The following NIBAN1 variants were observed in gnomAD, a reference collection of about 807,000 sequenced individuals.
NIBAN1 encodes the protein niban apoptosis regulator 1.
NIBAN1 carries 81 observed loss-of-function variants against 75.1 expected under a neutral mutation model. That is an observed-to-expected ratio of 1.08 (90% CI 0.90 to 1.30). NIBAN1 has a LOEUF of 1.30. Ranked by LOEUF, NIBAN1 falls within the 50% of genes most tolerant of loss-of-function variation. NIBAN1 has a pLI of 0.00. For synonymous variants in NIBAN1, 436 were observed against 424.8 expected (o/e 1.03, Z -0.32); for missense variants, 1,133 against 1,128.1 (o/e 1.00, Z -0.06).
At chr1:184,955,828 G>T (rs1292811978) in intron 1 of NIBAN1, among the ~76,000 whole-genome samples, 3 of 151,820 alleles carry the variant, frequency 2.0e-5, no homozygotes, top group Non-Finnish European at 4.4e-5. Flanking sequence ...CAAAGGCAAG[G>T]TGTGTCATGT....
chr1:184,815,633 A>T (rs989258834), intron 9 of NIBAN1, among the ~76,000 whole-genome samples: 1 of 152,182 alleles, frequency 6.6e-6, no homozygotes, highest in Non-Finnish European at 1.5e-5. Flanking sequence ...GTGCACTTAT[A>T]GGGTATAATT....
chr1:184,857,726 C>T (rs1039887972), intron 5 of NIBAN1, among the ~76,000 whole-genome samples: 4 of 151,990 alleles, frequency 2.6e-5, no homozygotes, highest in South Asian at 4.1e-4. Context: ...TCTAGGTATT[C>T]TTTTCTCTTT....
intron 1 of NIBAN1, among the ~76,000 whole-genome samples, chr1:184,913,165 TGC>T (rs1657294443): frequency 1.3e-5 from 2 of 149,362 alleles, no homozygotes; most frequent in South Asian, 2.1e-4. Flanking sequence ...TATATATATA[TGC>T]CTTTCATACC....
chr1:184,948,702 A>C (rs1336383117), intron 1 of NIBAN1, among the ~76,000 whole-genome samples: 1 of 152,168 alleles, frequency 6.6e-6, no homozygotes, highest in Non-Finnish European at 1.5e-5. Flanking sequence ...AAAACTTAAG[A>C]TTTCGGAGAC....
chr1:184,803,897 A>G (rs1654116854), intron 11 of NIBAN1, among the ~76,000 whole-genome samples: 1 of 152,088 alleles, frequency 6.6e-6, no homozygotes, highest in African/African-American at 2.4e-5. Context: ...TCTCACTCTT[A>G]CCTTTTACAG....
At position 184,860,339 on chromosome 1, in the gene NIBAN1, T is replaced by C. The variant is rs77132790; in HGVS notation, c.601+24294A>G. Among the ~76,000 whole-genome samples the C allele has an allele frequency of 3.3e-3, 508 of 152,170 alleles. 8 individuals are homozygous for C. The East Asian group carries it at 0.039, about 12-fold the overall frequency. ...CTTCCAGAGTAAAACAAAAATTAAT[T>C]TTGTAAACATGCAAAAAAATTCAAA... On this transcript the variant is annotated intron_variant, in intron 5 of 13. Coordinates refer to ENST00000367511, the MANE Select transcript of NIBAN1 (RefSeq NM_052966.4).
chr1:184,862,944 GTATTAAGCCCAGT>G (rs1655854828), intron 5 of NIBAN1, among the ~76,000 whole-genome samples: 1 of 151,820 alleles, frequency 6.6e-6, no homozygotes, highest in African/African-American at 2.4e-5. Flanking sequence ...CATCACCCAG[GTATTAAGCCCAGT>G]ATCTGGTATT....
chr1:184,866,831 TC>T (rs1383748778), intron 5 of NIBAN1, among the ~76,000 whole-genome samples: 1 of 152,152 alleles, frequency 6.6e-6, no homozygotes, highest in African/African-American at 2.4e-5. Flanking sequence ...AATCAGCCTA[TC>T]TCAAAATTAG....
chr1:184,814,597 A>T (rs1038114903), intron 9 of NIBAN1, among the ~76,000 whole-genome samples: 11 of 152,156 alleles, frequency 7.2e-5, no homozygotes, highest in African/African-American at 2.4e-4. Flanking sequence ...CCTTTTAAAA[A>T]TTTTTGTATC....
Position 184,974,385 on chromosome 1 carries a change from A to G in NIBAN1, c.-29T>C, listed in dbSNP as rs772904279. 3 of 1,543,322 alleles carry G rather than the reference A, an allele frequency of 1.9e-6. No individual in the cohort carries two copies. The highest frequency in any genetic ancestry group is 2.6e-6 in the Non-Finnish European group (3 of 1,150,360). ...CGCGAGCTGCCTGTGCTGAGCGCGG[A>G]AACTGCCCGGTCCGCGCCCGCTGCT... is the stretch of plus-strand genomic sequence containing the variant. On this transcript the variant is annotated 5_prime_UTR_variant, in exon 1 of 14. Coordinates refer to ENST00000367511, the MANE Select transcript of NIBAN1 (RefSeq NM_052966.4).
In NIBAN1 at chr1:184,884,737, A is replaced by G. The variant is rs1557900045; in HGVS notation, c.497T>C (p.Leu166Pro). ...VVLPKEFPVY[L>P]WQPFFRHGYF... The stretch of plus-strand genomic sequence containing the variant: ...GCCGTGTCTGAAGAAGGGCTGCCAC[A>G]GGTACACTGGGAATTCCTTGGGCAG... Residue 166 changes from leucine (L) to proline (P), a missense_variant, in exon 5 of 14, where the codon CTG becomes CCG. By Grantham distance (98) the Leu-to-Pro change is moderately conservative. Coordinates refer to ENST00000367511, the MANE Select transcript of NIBAN1 (RefSeq NM_052966.4). 6.2e-7 allele frequency: 1 copy of G among 1,614,246 alleles called. No homozygotes were observed. The highest frequency in any genetic ancestry group is 8.5e-7 in the Non-Finnish European group (1 of 1,180,008).
intron 1 of NIBAN1, among the ~76,000 whole-genome samples, chr1:184,958,428 A>C (rs977965863): frequency 3.3e-5 from 5 of 152,042 alleles, no homozygotes; most frequent in Non-Finnish European, 7.3e-5. Context: ...TAGAATTAAG[A>C]TATTGAATCA....
intron 5 of NIBAN1, among the ~76,000 whole-genome samples, chr1:184,844,720 G>A (rs954513681): frequency 1.3e-5 from 2 of 152,160 alleles, no homozygotes; most frequent in Non-Finnish European, 2.9e-5. Context: ...GTTTACCCTT[G>A]TCTAGGACAA....
chr1:184,883,133 A>G (rs1656419552), intron 5 of NIBAN1, among the ~76,000 whole-genome samples: 1 of 152,174 alleles, frequency 6.6e-6, no homozygotes, highest in Admixed American at 6.5e-5. Flanking sequence ...TCTGAATTTT[A>G]AAATAAGTAT....
rs528719030 is a variant in NIBAN1 at position 184,940,084 on chromosome 1, T to C, written c.55+34218A>G. Among the ~76,000 whole-genome samples, 224 of 152,252 alleles carry C rather than the reference T, an allele frequency of 1.5e-3. 1 individual carries two copies. Among genetic ancestry groups the C allele is most frequent in the African/African-American group, 5.2e-3 (218 of 41,536 alleles). ...TGAGACAAAACCAGTGAGAAGGCAA[T>C]GTCTCCAGATGCAGAATAAGAGGGA... is the stretch of plus-strand genomic sequence containing the variant. On this transcript the variant is annotated intron_variant, in intron 1 of 13. Transcript: ENST00000367511.
chr1:184,866,442 T>G, intron 5 of NIBAN1, among the ~76,000 whole-genome samples: 1 of 152,168 alleles, frequency 6.6e-6, no homozygotes, highest in Non-Finnish European at 1.5e-5. Flanking sequence ...GTGTTATAAT[T>G]CTAGGATGTG....
At chr1:184,925,117 G>T (rs951614364) in intron 1 of NIBAN1, among the ~76,000 whole-genome samples, 4 of 151,840 alleles carry the variant, frequency 2.6e-5, no homozygotes, top group Non-Finnish European at 4.4e-5. Flanking sequence ...ATTTACAATT[G>T]TTATAACCTC....
chr1:184,865,635 G>A (rs944819331), intron 5 of NIBAN1, among the ~76,000 whole-genome samples: 1 of 152,024 alleles, frequency 6.6e-6, no homozygotes. Context: ...CAAAAAGAAA[G>A]GATGCTTAAT....
In NIBAN1 at chr1:184,899,291, A is replaced by C. The variant is rs1192418679; in HGVS notation, c.74T>G (p.Ile25Ser). The C allele has an allele frequency of 1.2e-6, 2 of 1,613,824 alleles. No homozygotes were observed. The highest frequency in any genetic ancestry group is 1.7e-6 in the Non-Finnish European group (2 of 1,179,798). Residue 25 changes from isoleucine to serine, a missense_variant, in exon 2 of 14, where the codon ATC becomes AGC. Transcript: ENST00000367511. ...AYIRGKTEAA[I>S]KNFSPYYSRQ... Reference sequence around the variant, plus strand: ...ACTGTAGTAGGGACTGAAGTTTTTGATGGCAGCCTCAGTTTTCCCTAGAAA... The same window carrying C: ...ACTGTAGTAGGGACTGAAGTTTTTGCTGGCAGCCTCAGTTTTCCCTAGAAA...
Sources: gnomAD v4.1 joint callset for allele counts (sites outside exome capture counted in the v4.1 genomes callset) on GRCh38, gnomAD v4.1.1 for gene constraint, MANE v1.5 for transcripts, NCBI Gene and HGNC (gene_info 2026-07-23, HGNC 2026-07-21) for gene names.